The following KIAA1217 variants were observed in gnomAD, a reference collection of about 807,000 sequenced individuals.
KIAA1217 encodes the protein KIAA1217.
Under a neutral mutation model 163.9 loss-of-function variants are expected in KIAA1217, and 88 were observed. That is an observed-to-expected ratio of 0.54 (90% CI 0.45 to 0.64). The LOEUF is 0.64. Among genes scored for constraint, KIAA1217 ranks in the 30% least tolerant of loss-of-function variants. The pLI, the probability that KIAA1217 is intolerant of heterozygous loss-of-function variation, is 0.00. For missense variants in KIAA1217, 2,372 were observed against 2,475.0 expected (o/e 0.96, Z 0.88); for synonymous variants, 903 against 923.1 (o/e 0.98, Z 0.39).
At chr10:24,339,166 C>T (rs1350929570) in intron 2 of KIAA1217, among the ~76,000 whole-genome samples, 1 of 152,134 alleles carries the variant, frequency 6.6e-6, no homozygotes, top group Non-Finnish European at 1.5e-5. Context: ...CACTATTTTC[C>T]TTATCTCTAA....
At chr10:24,491,537 G>A (rs2066150531) in intron 6 of KIAA1217, among the ~76,000 whole-genome samples, 1 of 152,024 alleles carries the variant, frequency 6.6e-6, no homozygotes, top group Non-Finnish European at 1.5e-5. Flanking sequence ...TGATCCACCT[G>A]CCTTGGCCTC....
At chr10:23,849,606 T>C (rs1387645980) in intron 1 of KIAA1217, among the ~76,000 whole-genome samples, 3 of 152,142 alleles carry the variant, frequency 2.0e-5, no homozygotes, top group Admixed American at 6.6e-5. Context: ...CAAACCAATA[T>C]AGCACATGTA....
At chr10:23,819,817 T>C (rs960756690) in intron 1 of KIAA1217, among the ~76,000 whole-genome samples, 2 of 152,188 alleles carry the variant, frequency 1.3e-5, no homozygotes, top group African/African-American at 4.8e-5. Flanking sequence ...ACCAGACCAG[T>C]AGTTCAGGAG....
chr10:24,474,110 C>A (rs373194102), intron 6 of KIAA1217, 50 bp downstream of exon 6: 2 of 1,373,058 alleles, frequency 1.5e-6, no homozygotes, highest in African/African-American at 1.4e-5. Context: ...CCATGTGTCA[C>A]TGTGGGCAGC....
chr10:23,747,919 C>T (rs12240849), intron 1 of KIAA1217, among the ~76,000 whole-genome samples: 11,413 of 152,208 alleles, frequency 0.075, 832 homozygotes, highest in African/African-American at 0.18. Context: ...GCCAGTTTCT[C>T]TCCTCCCTTA....
intron 2 of KIAA1217, among the ~76,000 whole-genome samples, chr10:24,148,757 T>C (rs1335222573): frequency 2.6e-5 from 4 of 152,214 alleles, no homozygotes; most frequent in Admixed American, 1.3e-4. Context: ...CCTCTGTTTT[T>C]TTACAAATTA....
chr10:23,899,262 C>T (rs1295430946), intron 1 of KIAA1217, among the ~76,000 whole-genome samples: 2 of 152,098 alleles, frequency 1.3e-5, no homozygotes, highest in African/African-American at 2.4e-5. Flanking sequence ...TGATGTCCAA[C>T]GTGTTTATAC....
intron 1 of KIAA1217, among the ~76,000 whole-genome samples, chr10:23,913,221 T>TGCAGG (rs1329552211): frequency 6.8e-6 from 1 of 147,694 alleles, no homozygotes; most frequent in East Asian, 1.9e-4. Flanking sequence ...CCTCCCAGAC[T>TGCAGG]GCAGGGCACA....
chr10:24,470,460 C>T (rs2063388886), intron 5 of KIAA1217, among the ~76,000 whole-genome samples: 3 of 152,154 alleles, frequency 2.0e-5, no homozygotes, highest in South Asian at 2.1e-4. Context: ...AGAGCAGACG[C>T]ACCTGGAGCC....
In KIAA1217 at chr10:24,501,180, G is replaced by A. The variant is rs182732934; in HGVS notation, c.1835-199G>A. On this transcript the variant is annotated intron_variant, in intron 8 of 20. Transcript: ENST00000376454. ...CAGCTCTGTGGCCTGTCTTCCTATG[G>A]CACTTTCTTACTAAACTTCTAGAAT... 4.2e-3 allele frequency among the ~76,000 whole-genome samples: 643 copies of A among 152,226 alleles called. 4 individuals carry two copies. Among genetic ancestry groups the A allele is most frequent in the Non-Finnish European group, 6.3e-3 (426 of 68,016 alleles).
upstream of KIAA1217, among the ~76,000 whole-genome samples, chr10:24,203,933 A>G (rs2067406667): frequency 6.6e-6 from 1 of 152,258 alleles, no homozygotes; most frequent in Non-Finnish European, 1.5e-5. Context: ...TGCTGCACAG[A>G]TGCCAGCTCT....
At chr10:24,470,133 G>A (rs891046971) in intron 5 of KIAA1217, among the ~76,000 whole-genome samples, 6 of 152,170 alleles carry the variant, frequency 3.9e-5, no homozygotes, top group Admixed American at 6.5e-5. Context: ...GCTGCTCGCT[G>A]AGCCAGTCCC....
chr10:24,167,683 A>G (rs2065423757), intron 2 of KIAA1217, among the ~76,000 whole-genome samples: 1 of 152,092 alleles, frequency 6.6e-6, no homozygotes, highest in African/African-American at 2.4e-5. Context: ...CCTCACTGAC[A>G]CTACTCCCCT....
At position 24,343,371 on chromosome 10, in the gene KIAA1217, C is replaced by T. The variant is rs573368631; in HGVS notation, c.355-37498C>T. On this transcript the variant is annotated intron_variant, in intron 2 of 20. Transcript: ENST00000376454. ...TGATTTACATTTTTATAATCATTGA[C>T]GTTAGAGTATATTTTCCTATATTAG... Among the ~76,000 whole-genome samples the T allele has an allele frequency of 1.3e-4, 19 of 149,908 alleles. No homozygotes were observed. The East Asian group carries it at 2.7e-3, about 21-fold the overall frequency.
chr10:23,772,635 A>G (rs1038029435), intron 1 of KIAA1217, among the ~76,000 whole-genome samples: 5 of 152,216 alleles, frequency 3.3e-5, no homozygotes, highest in African/African-American at 1.2e-4. Flanking sequence ...TCTCTGTATT[A>G]TACGATGTCA....
chr10:24,047,364 C>CA (rs1016118877), intron 2 of KIAA1217, among the ~76,000 whole-genome samples: 3 of 152,128 alleles, frequency 2.0e-5, no homozygotes, highest in African/African-American at 7.2e-5. Flanking sequence ...TGGCCTTGAG[C>CA]AAGGCAATTA....
intron 1 of KIAA1217, among the ~76,000 whole-genome samples, chr10:23,953,964 C>G (rs551412864): frequency 6.6e-6 from 1 of 152,254 alleles, no homozygotes; most frequent in Non-Finnish European, 1.5e-5. Flanking sequence ...TCTAGAGTAT[C>G]AAGAGTTTCT....
At chr10:24,416,192 T>G (rs1488743348) in intron 3 of KIAA1217, among the ~76,000 whole-genome samples, 2 of 152,204 alleles carry the variant, frequency 1.3e-5, no homozygotes, top group Admixed American at 6.5e-5. Flanking sequence ...AGGAAAACTT[T>G]AGAGCGTAAA....
At chr10:23,810,977 ACTATAGT>A (rs1837011329) in intron 1 of KIAA1217, among the ~76,000 whole-genome samples, 1 of 119,488 alleles carries the variant, frequency 8.4e-6, no homozygotes, top group Non-Finnish European at 1.6e-5. Context: ...TATATTATAT[ACTATAGT>A]ATATATACTA....
Sources: allele counts gnomAD v4.1 joint callset (sites outside exome capture counted in the v4.1 genomes callset), GRCh38; gene constraint gnomAD v4.1.1; transcripts MANE v1.5; gene names NCBI Gene and HGNC (gene_info 2026-07-23, HGNC 2026-07-21).